Variants in ADGRF3 observed in about 807,000 individuals in gnomAD.
ADGRF3 encodes G protein-coupled receptor 113.
ADGRF3 carries 85 observed loss-of-function variants against 93.2 expected under a neutral mutation model. That is an observed-to-expected ratio of 0.91 (90% CI 0.77 to 1.09). ADGRF3 has a LOEUF of 1.09. Ranked by LOEUF, ADGRF3 falls within the 50% of genes least tolerant of loss-of-function variation. The pLI is 0.00. For missense variants in ADGRF3, 1,125 were observed against 1,246.2 expected, an observed-to-expected ratio of 0.90 and a Z score of 1.46; for synonymous variants, 534 against 532.5, an observed-to-expected ratio of 1.00 and a Z score of -0.04.
intron 1 of ADGRF3, among the ~76,000 whole-genome samples, chr2:26,335,928 A>G (rs1284007676): frequency 1.3e-5 from 2 of 152,212 alleles, no homozygotes; most frequent in African/African-American, 4.8e-5. Context: ...CCAGTGCCAT[A>G]TATGTCCTTA....
At chr2:26,315,082 C>T (rs867864147) in intron 5 of ADGRF3, among the ~76,000 whole-genome samples, 1 of 152,196 alleles carries the variant, frequency 6.6e-6, no homozygotes, top group East Asian at 1.9e-4. Context: ...GTTTGCAAAT[C>T]TTGCCCGTGT....
rs140884361 is a variant in ADGRF3, at chr2:26,316,916, T to C, written c.321A>G (p.Thr107=). 5.0e-6 allele frequency: 8 copies of C among 1,605,084 alleles called. No homozygotes were observed. The African/African-American group carries it at 1.1e-4, about 22-fold the overall frequency. ...PRPLLTGLRL[T]TECNVNHKGN... is the part of the protein sequence containing the mutation. Reference sequence around the variant, plus strand: ...CCCTTCCCACGCAAGTGGTACCTGTTGTGAGTCTGAGGCCAGTGAGAAGAG... The same window carrying C: ...CCCTTCCCACGCAAGTGGTACCTGTCGTGAGTCTGAGGCCAGTGAGAAGAG... Residue 107 remains threonine (T), a synonymous_variant, in exon 3 of 14, where the codon ACA becomes ACG. Coordinates refer to ENST00000651242, the MANE Select transcript of ADGRF3 (RefSeq NM_001321971.2).
rs1159955158 is a variant in ADGRF3 at position 26,311,404 on chromosome 2, T to C, written c.2120A>G (p.Gln707Arg). 1 of 1,613,952 alleles carries C rather than the reference T, an allele frequency of 6.2e-7. No individual in the cohort carries two copies. ...PEEPALALLT[Q>R]VGLGASILAL... The stretch of plus-strand genomic sequence containing the variant: ...CAGTATGGAAGCTCCCAAGCCCACT[T>C]GAGTCAGCAGCGCCAGAGCGGGTTC... The change falls in exon 10 of 14, where the codon CAA becomes CGA. Residue 707 changes from glutamine to arginine, a missense_variant. Physicochemically the swap from Gln to Arg is conservative, Grantham distance 43. Transcript: ENST00000651242.
chr2:26,341,085 A>C (rs989333822), intron 1 of ADGRF3, among the ~76,000 whole-genome samples: 1 of 152,188 alleles, frequency 6.6e-6, no homozygotes, highest in Non-Finnish European at 1.5e-5. Context: ...ATGGCCATAA[A>C]ACCACTGAGA....
chr2:26,314,847 C>G (rs920923152), intron 5 of ADGRF3: 1 of 566,756 alleles, frequency 1.8e-6, no homozygotes, highest in Non-Finnish European at 3.2e-6. Flanking sequence ...GGCCCATGCC[C>G]GTGAATTTCA....
At chr2:26,323,431 T>C (rs1675267488) in intron 1 of ADGRF3, among the ~76,000 whole-genome samples, 1 of 152,160 alleles carries the variant, frequency 6.6e-6, no homozygotes, top group South Asian at 2.1e-4. Context: ...CCTCTAAACA[T>C]GGATTGTGAA....
chr2:26,311,423 C>A lies in ADGRF3; in HGVS notation c.2101G>T (p.Ala701Ser), dbSNP rs199709313. 2.5e-5 allele frequency: 41 copies of A among 1,614,044 alleles called. No individual in the cohort carries two copies. Among genetic ancestry groups the A allele is most frequent in the Non-Finnish European group, 3.3e-5 (39 of 1,179,906 alleles). The stretch of plus-strand genomic sequence containing the variant: ...CCCACTTGAGTCAGCAGCGCCAGAG[C>A]GGGTTCTTCCGGAACAGTGTGTGGG... Reference protein sequence around the residue: ...MSPHTVPEEPALALLTQVGLG... With the variant: ...MSPHTVPEEPSLALLTQVGLG... The change falls in exon 10 of 14, where the codon GCT (alanine) becomes TCT (serine). Residue 701 changes from alanine (A) to serine (S), a missense_variant. By Grantham distance (99) the Ala-to-Ser change is moderately conservative (BLOSUM62 1). Transcript: ENST00000651242.
chr2:26,346,542 C>T lies in ADGRF3; in HGVS notation c.-308G>A. The T allele has an allele frequency of 2.5e-6, 1 of 398,606 alleles. No homozygotes were observed. The highest frequency in any genetic ancestry group is 4.5e-6 in the Non-Finnish European group (1 of 224,162). The allele number at this position is 398,606 out of a possible 1,614,324, so 24.7% of individuals were successfully genotyped here. On this transcript the variant is annotated 5_prime_UTR_variant, in exon 1 of 14. Coordinates refer to ENST00000651242, the MANE Select transcript of ADGRF3 (RefSeq NM_001321971.2). ...AGGAGAGCGCTCAGTGATCATGGAGCGAGGGAATTCCCTTCCTATTTTTTT... is the reference window on the plus strand; with the variant it reads ...AGGAGAGCGCTCAGTGATCATGGAGTGAGGGAATTCCCTTCCTATTTTTTT...
rs1674966649 is a variant in ADGRF3 at position 26,319,282 on chromosome 2, G to A, written c.115-1720C>T. Reference sequence around the variant, plus strand: ...GGTGCCCAGGCTCTTCTTAGGCTCTGGACCCAAAGCTCCGAGAGCAGGAGA... The same window carrying A: ...GGTGCCCAGGCTCTTCTTAGGCTCTAGACCCAAAGCTCCGAGAGCAGGAGA... On this transcript the variant is annotated intron_variant, in intron 1 of 13. Transcript: ENST00000651242. Among the ~76,000 whole-genome samples, 3 of 152,130 alleles carry A rather than the reference G, an allele frequency of 2.0e-5. No homozygotes were observed. The South Asian group carries it at 6.2e-4, about 32-fold the overall frequency.
rs910035724 is a variant in ADGRF3 at position 26,318,977 on chromosome 2, C to T, written c.115-1415G>A. 3.2e-6 allele frequency: 5 copies of T among 1,551,778 alleles called. No homozygotes were observed. Among genetic ancestry groups the T allele is most frequent in the Non-Finnish European group, 4.4e-6 (5 of 1,147,002 alleles). On this transcript the variant is annotated intron_variant, in intron 1 of 13. Transcript: ENST00000651242. ...CCAGTCTCACTTACAGGTTGGGATGCTTGGGCAACTGGTGACCCCAGCAGG... is the reference window on the plus strand; with the variant it reads ...CCAGTCTCACTTACAGGTTGGGATGTTTGGGCAACTGGTGACCCCAGCAGG...
At position 26,310,050 on chromosome 2, in the gene ADGRF3, ATGG is replaced by A; in HGVS notation, c.2927_2929del (p.Thr976del). On this transcript the variant is annotated inframe_deletion, in exon 12 of 14. Transcript: ENST00000651242. ...CTGAAGGCAGCAACTCACCAGGGAG[ATGG>A]TGGAGCTGGGGGCTTGGGCGCGGCA... is the stretch of plus-strand genomic sequence containing the variant. 2.5e-6 allele frequency: 4 copies of A among 1,613,968 alleles called. No individual in the cohort carries two copies. Among genetic ancestry groups the A allele is most frequent in the Non-Finnish European group, 3.4e-6 (4 of 1,179,882 alleles).
intron 1 of ADGRF3, among the ~76,000 whole-genome samples, chr2:26,328,721 G>A (rs974158359): frequency 2.6e-5 from 4 of 152,166 alleles, no homozygotes; most frequent in Non-Finnish European, 4.4e-5. Flanking sequence ...CAAAGTGCTG[G>A]GATTACAGGC....
At chr2:26,309,608 G>T in intron 12 of ADGRF3, 27 bp from the exon 13 acceptor site, 1 of 1,609,316 alleles carries the variant, frequency 6.2e-7, no homozygotes, top group African/African-American at 1.3e-5. Context: ...AGGCCCAATT[G>T]CAGGGCAGTT....
intron 1 of ADGRF3, among the ~76,000 whole-genome samples, chr2:26,344,143 G>GT (rs1423119626): frequency 4.6e-5 from 7 of 151,920 alleles, no homozygotes; most frequent in African/African-American, 1.7e-4. Context: ...AGTATGAAGG[G>GT]TTTTTTTGGT....
chr2:26,314,557 G>T lies in ADGRF3; in HGVS notation c.785C>A (p.Pro262His). The T allele has an allele frequency of 6.2e-7, 1 of 1,614,016 alleles. No individual in the cohort carries two copies. Among genetic ancestry groups the T allele is most frequent in the Non-Finnish European group, 8.5e-7 (1 of 1,179,890 alleles). The change falls in exon 6 of 14, where the codon CCC becomes CAC. Residue 262 changes from proline (P) to histidine (H), a missense_variant. Physicochemically the swap from Pro to His is moderately conservative, Grantham distance 77. Transcript: ENST00000651242. ...TCGAGCCACATCTGTCGCCTTCAAG[G>T]GCACCCTCACCACCTCATACAGGTT... is the stretch of plus-strand genomic sequence containing the variant. Reference protein sequence around the residue: ...KWNLYEVVRVPLKATDVARLP... With the variant: ...KWNLYEVVRVHLKATDVARLP...
At position 26,310,794 on chromosome 2, in the gene ADGRF3, A is replaced by G; in HGVS notation, c.2730T>C (p.Leu910=). 1 of 1,613,758 alleles carries G rather than the reference A, an allele frequency of 6.2e-7. No homozygotes were observed. The highest frequency in any genetic ancestry group is 8.5e-7 in the Non-Finnish European group (1 of 1,179,770). Residue 910 remains leucine (L), a synonymous_variant, in exon 10 of 14, where the codon CTT becomes CTC. Coordinates refer to ENST00000651242, the MANE Select transcript of ADGRF3 (RefSeq NM_001321971.2). ...LLGVIKALLI[L]TPIFGLTWGL... is the part of the protein sequence containing the mutation. ...CCCAGGTGAGGCCAAAGATGGGTGTAAGAATGAGCAGGGCTTTGATCACCC... is the reference window on the plus strand; with the variant it reads ...CCCAGGTGAGGCCAAAGATGGGTGTGAGAATGAGCAGGGCTTTGATCACCC...
In ADGRF3 at chr2:26,309,026, TC is replaced by T; in HGVS notation, c.*59del. The T allele has an allele frequency of 5.6e-6, 9 of 1,613,016 alleles. No individual in the cohort carries two copies. Among genetic ancestry groups the T allele is most frequent in the Non-Finnish European group, 7.6e-6 (9 of 1,179,076 alleles). The stretch of plus-strand genomic sequence containing the variant: ...GTTCAGAGCATTGGGCCAGGGCTCA[TC>T]TGGTGGGTTCAAGCACACAGCCTCA... On this transcript the variant is annotated 3_prime_UTR_variant, in exon 14 of 14. Coordinates refer to ENST00000651242, the MANE Select transcript of ADGRF3 (RefSeq NM_001321971.2).
chr2:26,316,034 C>T (rs1398258683), intron 4 of ADGRF3, among the ~76,000 whole-genome samples: 1 of 152,156 alleles, frequency 6.6e-6, no homozygotes, highest in Non-Finnish European at 1.5e-5. Flanking sequence ...AGGTAAAAAG[C>T]AGTCACTCCA....
In ADGRF3 at chr2:26,316,403, G is replaced by C. The variant is rs547900692; in HGVS notation, c.371C>G (p.Ser124Cys). Residue 124 changes from serine to cysteine, a missense_variant, in exon 4 of 14, where the codon TCT becomes TGT. Physicochemically the swap from Ser to Cys is moderately radical, Grantham distance 112. Transcript: ENST00000651242. ...HKGNFYCACL[S>C]GYQWNTSICL... ...GATGCTGGTGTTCCACTGGTAGCCA[G>C]AGAGGCAAGCACAATAGAAATTCCC... The C allele has an allele frequency of 3.2e-6, 5 of 1,551,812 alleles. No individual in the cohort carries two copies. Among genetic ancestry groups the C allele is most frequent in the Middle Eastern group, 3.3e-4 (2 of 5,988 alleles).
Sources: allele counts gnomAD v4.1 joint callset (sites outside exome capture counted in the v4.1 genomes callset), GRCh38; gene constraint gnomAD v4.1.1; transcripts MANE v1.5; gene names NCBI Gene and HGNC (gene_info 2026-07-23, HGNC 2026-07-21).